Variants in SARDH observed in about 807,000 individuals in gnomAD.
SARDH encodes the protein sarcosine dehydrogenase, mitochondrial.
Under a neutral mutation model 109.1 loss-of-function variants are expected in SARDH, and 95 were observed. The observed-to-expected ratio is 0.87, with a 90% CI of 0.74 to 1.03. The LOEUF is 1.03. Ranked by LOEUF, SARDH falls within the 50% of genes least tolerant of loss-of-function variation. The pLI is 0.00. For synonymous variants in SARDH, 572 were observed against 534.8 expected (o/e 1.07, Z -0.96); for missense variants, 1,267 against 1,287.8 (o/e 0.98, Z 0.25).
chr9:133,727,258 G>A (rs940185262), intron 6 of SARDH, among the ~76,000 whole-genome samples: 6 of 152,192 alleles, frequency 3.9e-5, no homozygotes, highest in Admixed American at 1.3e-4. Flanking sequence ...GGAGGTCCTT[G>A]GGGCCACACA....
intron 13 of SARDH, among the ~76,000 whole-genome samples, chr9:133,696,926 A>G (rs960202344): frequency 6.6e-6 from 1 of 152,172 alleles, no homozygotes; most frequent in Non-Finnish European, 1.5e-5. Context: ...CCAGAAAAAG[A>G]GCATAATTAA....
intron 1 of SARDH, among the ~76,000 whole-genome samples, chr9:133,736,204 G>T: frequency 6.6e-6 from 1 of 152,220 alleles, no homozygotes; most frequent in East Asian, 1.9e-4. Flanking sequence ...CTGAAAGGGG[G>T]TTTCTCCAAC....
At chr9:133,737,366 C>T (rs1014165838) in intron 1 of SARDH, among the ~76,000 whole-genome samples, 1 of 152,212 alleles carries the variant, frequency 6.6e-6, no homozygotes, top group East Asian at 1.9e-4. Context: ...TGTGTCAGCC[C>T]GCCTGGCTCC....
Position 133,733,976 on chromosome 9 carries a change from C to A in SARDH, c.198G>T (p.Thr66=), listed in dbSNP as rs572727005. The A allele has an allele frequency of 1.1e-5, 17 of 1,611,806 alleles. No individual in the cohort carries two copies. The highest frequency in any genetic ancestry group is 1.4e-5 in the Non-Finnish European group (17 of 1,179,378). The part of the protein sequence containing the change: ...AQGPSRPLPS[T]ANVVVIGGGS... ...CTCCACCAATGACCACCACGTTGGC[C>A]GTGCTGGGCAGGGGCCGGCTTGGGC... The change falls in exon 2 of 21, where the codon ACG becomes ACT. Residue 66 remains threonine (T), a synonymous_variant. Coordinates refer to ENST00000439388, the MANE Select transcript of SARDH (RefSeq NM_001134707.2).
intron 17 of SARDH, among the ~76,000 whole-genome samples, chr9:133,672,710 G>C (rs1372130523): frequency 6.6e-6 from 1 of 152,226 alleles, no homozygotes; most frequent in Non-Finnish European, 1.5e-5. Context: ...GACTCAGCTC[G>C]GCCGTGAGCA....
chr9:133,683,077 C>T (rs1268745178), intron 17 of SARDH, among the ~76,000 whole-genome samples: 2 of 152,220 alleles, frequency 1.3e-5, no homozygotes, highest in Non-Finnish European at 1.5e-5. Flanking sequence ...TGGGGGATGT[C>T]ATCCCGGAAG....
rs141909191 is a variant in SARDH at position 133,715,403 on chromosome 9, C to A, written c.1150+1923G>T. On this transcript the variant is annotated intron_variant, in intron 8 of 20. Coordinates refer to ENST00000439388, the MANE Select transcript of SARDH (RefSeq NM_001134707.2). Reference sequence around the variant, plus strand: ...GATTCTTCCGGGCCTGTGTTTCTCGCTGCCAGACCCACGCAAGCTGCGGGG... The same window carrying A: ...GATTCTTCCGGGCCTGTGTTTCTCGATGCCAGACCCACGCAAGCTGCGGGG... 5.2e-3 allele frequency among the ~76,000 whole-genome samples: 792 copies of A among 152,306 alleles called. 7 individuals carry two copies. Among genetic ancestry groups the A allele is most frequent in the African/African-American group, 0.018 (738 of 41,560 alleles).
chr9:133,696,364 G>A lies in SARDH; in HGVS notation c.1669-3C>T, dbSNP rs545361249. On this transcript the variant is annotated splice_polypyrimidine_tract_variant and splice_region_variant and intron_variant, in intron 13 of 20. Transcript: ENST00000439388. ...CAGGCCAGGCACTCCTTCTTGATCT[G>A]AAAAGTTCCAGACAGGTGGGAATGC... 6.4e-5 allele frequency: 103 copies of A among 1,613,998 alleles called. No individual in the cohort carries two copies. Among genetic ancestry groups the A allele is most frequent in the South Asian group, 6.1e-4 (56 of 91,082 alleles).
At chr9:133,659,665 A>G (rs931221213), downstream of SARDH, among the ~76,000 whole-genome samples, 1 of 152,038 alleles carries the variant, frequency 6.6e-6, no homozygotes, top group Non-Finnish European at 1.5e-5. Flanking sequence ...TCTGCAAGGC[A>G]CTTCACTTCA....
Position 133,671,563 on chromosome 9 carries a change from G to A in SARDH, c.2298C>T (p.Arg766=), listed in dbSNP as rs368733166. Residue 766 remains arginine, a synonymous_variant, in exon 18 of 21, where the codon CGC becomes CGT. Coordinates refer to ENST00000439388, the MANE Select transcript of SARDH (RefSeq NM_001134707.2). The part of the protein sequence containing the change: ...AKHGLINAGY[R]AIDSLSIEKG... ...TCTCAATGCTCAGGGAGTCGATGGC[G>A]CGGTACCCTGCGTTGATGAGGCCGT... 119 of 1,608,716 alleles carry A rather than the reference G, an allele frequency of 7.4e-5. No individual in the cohort carries two copies. The highest frequency in any genetic ancestry group is 9.6e-5 in the Non-Finnish European group (113 of 1,178,366).
intron 6 of SARDH, among the ~76,000 whole-genome samples, chr9:133,726,561 C>T (rs1832499839): frequency 6.6e-6 from 1 of 152,066 alleles, no homozygotes; most frequent in Admixed American, 6.5e-5. Flanking sequence ...TTACCTGCCC[C>T]TTGCACAGAT....
intron 17 of SARDH, among the ~76,000 whole-genome samples, chr9:133,676,353 T>C (rs770739931): frequency 6.6e-6 from 1 of 152,110 alleles, no homozygotes; most frequent in Non-Finnish European, 1.5e-5. Flanking sequence ...GCACAGGGGC[T>C]GGGGAGAGGG....
In SARDH at chr9:133,671,545, G is replaced by A; in HGVS notation, c.2316C>T (p.Ser772=). The part of the protein sequence containing the change: ...NAGYRAIDSL[S]IEKGYRHWHA... ...AGACCCTGCACTCACCTTTCTCAAT[G>A]CTCAGGGAGTCGATGGCGCGGTACC... Residue 772 remains serine, a synonymous_variant, in exon 18 of 21, where the codon AGC becomes AGT. Transcript: ENST00000439388. The A allele has an allele frequency of 2.5e-6, 4 of 1,607,350 alleles. No individual in the cohort carries two copies. Among genetic ancestry groups the A allele is most frequent in the Non-Finnish European group, 3.4e-6 (4 of 1,177,628 alleles).
chr9:133,667,193 G>GT, intron 19 of SARDH: 8 of 381,568 alleles, frequency 2.1e-5, no homozygotes, highest in Non-Finnish European at 2.7e-5. Flanking sequence ...GTTCAACTCT[G>GT]GTTTTTTTTT....
chr9:133,692,054 AG>A lies in SARDH; in HGVS notation c.1922-1528del, dbSNP rs1177001210. On this transcript the variant is annotated intron_variant, in intron 15 of 20. Transcript: ENST00000439388. The surrounding 1 kb of genome is among the most constrained non-coding windows in gnomAD (Gnocchi z 5.0). ...ACTTTCCTGACAGCTTCCCCTTATG[AG>A]GGGGGACGAGCAAGGTCCTCATTCC... Among the ~76,000 whole-genome samples, 1 of 152,086 alleles carries A rather than the reference AG, an allele frequency of 6.6e-6. No homozygotes were observed. The highest frequency in any genetic ancestry group is 2.4e-5 in the African/African-American group (1 of 41,402).
At chr9:133,688,426 G>A (rs1433733261) in intron 16 of SARDH, among the ~76,000 whole-genome samples, 1 of 144,482 alleles carries the variant, frequency 6.9e-6, no homozygotes, top group African/African-American at 2.6e-5. Context: ...CCAAACCCTC[G>A]CCCGTGAGCC....
In SARDH at chr9:133,671,534, C is replaced by A; in HGVS notation, c.2326+1G>T. 1.2e-6 allele frequency: 2 copies of A among 1,605,386 alleles called. No homozygotes were observed. The highest frequency in any genetic ancestry group is 8.5e-7 in the Non-Finnish European group (1 of 1,176,478). ...CCGTGCTGTCCAGACCCTGCACTCACCTTTCTCAATGCTCAGGGAGTCGAT... is the reference window on the plus strand; with the variant it reads ...CCGTGCTGTCCAGACCCTGCACTCAACTTTCTCAATGCTCAGGGAGTCGAT... On this transcript the variant is annotated splice_donor_variant, in intron 18 of 20. Transcript: ENST00000439388. LOFTEE classifies it high-confidence loss of function.
In SARDH at chr9:133,694,375, C is replaced by T. The variant is rs370658788; in HGVS notation, c.1808-4G>A. On this transcript the variant is annotated splice_polypyrimidine_tract_variant and splice_region_variant and intron_variant, in intron 14 of 20. Transcript: ENST00000439388. ...ATGCACGTGTACACGGTGGAGCCTG[C>T]GAGAGGGAGAAGGAAGCCGGGTCTG... 9.7e-6 allele frequency: 15 copies of T among 1,549,282 alleles called. No homozygotes were observed. The highest frequency in any genetic ancestry group is 2.0e-5 in the Admixed American group (1 of 50,952).
intron 6 of SARDH, among the ~76,000 whole-genome samples, chr9:133,721,688 T>A (rs1389794936): frequency 6.6e-6 from 1 of 152,210 alleles, no homozygotes. Context: ...CAGAAAATAG[T>A]ATCAATAGTA....
Sources: gnomAD v4.1 joint callset for allele counts (sites outside exome capture counted in the v4.1 genomes callset) on GRCh38, gnomAD v4.1.1 for gene constraint, Gnocchi (gnomAD v3.1) non-coding constraint, MANE v1.5 for transcripts, NCBI Gene and HGNC (gene_info 2026-07-23, HGNC 2026-07-21) for gene names.